The following TRDN variants were observed in gnomAD, a reference collection of about 807,000 sequenced individuals.
The protein encoded by TRDN is triadin, also known as triadin in skeletal muscle.
In TRDN, 161 loss-of-function variants were observed where a neutral mutation model predicts 149.7. That is an observed-to-expected ratio of 1.08 (90% CI 0.95 to 1.23). TRDN has a LOEUF of 1.23. TRDN is among the 50% of genes most tolerant of loss of function. The pLI is 0.00. For missense variants in TRDN, 896 were observed against 823.5 expected (o/e 1.09, Z -1.08); for synonymous variants, 294 against 250.5 (o/e 1.17, Z -1.64).
chr6:123,216,841 G>A lies in TRDN; in HGVS notation c.*1760C>T, dbSNP rs1774986909. On this transcript the variant is annotated 3_prime_UTR_variant, in exon 41 of 41. Coordinates refer to ENST00000334268, the MANE Select transcript of TRDN (RefSeq NM_006073.4). ...CTAACACAGCGCCCTAAAAGAGTAG[G>A]TATTCAATAAACAGTCATTGAATGA... 6.6e-6 allele frequency: 1 copy of A among 151,864 alleles called. No homozygotes were observed. Among genetic ancestry groups the A allele is most frequent in the Admixed American group, 6.6e-5 (1 of 15,210 alleles). 9.4% of individuals were successfully genotyped at this position (151,864 alleles called of 1,614,324 possible). A position where few individuals can be genotyped will look rare whatever the true frequency, so the allele number is the denominator to read the frequency against.
intron 1 of TRDN, among the ~76,000 whole-genome samples, chr6:123,617,979 C>T (rs746673386): frequency 2.0e-5 from 3 of 152,028 alleles, no homozygotes; most frequent in East Asian, 1.9e-4. Context: ...TCAGGTGATC[C>T]GCCCATCTCG....
At chr6:123,452,971 C>T (rs1015570120) in intron 10 of TRDN, among the ~76,000 whole-genome samples, 2 of 148,520 alleles carry the variant, frequency 1.3e-5, no homozygotes, top group Admixed American at 6.6e-5. Context: ...AACTGATCTT[C>T]GAAAAAGCAA....
intron 20 of TRDN, among the ~76,000 whole-genome samples, chr6:123,362,855 C>A (rs1239836021): frequency 6.6e-6 from 1 of 151,970 alleles, no homozygotes; most frequent in African/African-American, 2.4e-5. Flanking sequence ...CTCGATTTTT[C>A]ATATAATATA....
chr6:123,367,178 G>A (rs1316857347), intron 19 of TRDN, among the ~76,000 whole-genome samples: 3 of 151,956 alleles, frequency 2.0e-5, no homozygotes, highest in Admixed American at 6.6e-5. Flanking sequence ...TAAAGTCAAA[G>A]TTTTCTCTAG....
At chr6:123,267,031 C>T (rs564965142) in intron 32 of TRDN, among the ~76,000 whole-genome samples, 24 of 127,830 alleles carry the variant, frequency 1.9e-4, no homozygotes, top group African/African-American at 2.4e-4. Context: ...GGTGTGAACC[C>T]GGGAGGTGGA....
intron 5 of TRDN, among the ~76,000 whole-genome samples, chr6:123,525,381 G>C (rs1362373186): frequency 6.6e-6 from 1 of 152,038 alleles, no homozygotes; most frequent in African/African-American, 2.4e-5. Context: ...TCATAAAAAA[G>C]AATGGAATTA....
intron 1 of TRDN, among the ~76,000 whole-genome samples, chr6:123,573,222 G>C (rs1310502646): frequency 2.0e-5 from 3 of 152,054 alleles, no homozygotes; most frequent in African/African-American, 7.2e-5. Flanking sequence ...TGAGTGAGAA[G>C]CATCTAGATC....
chr6:123,598,724 A>T (rs1784148872), intron 1 of TRDN, among the ~76,000 whole-genome samples: 1 of 152,126 alleles, frequency 6.6e-6, no homozygotes, highest in Non-Finnish European at 1.5e-5. Context: ...AGCAAGAGTG[A>T]TATAGACCAT....
chr6:123,263,188 G>C (rs758614844), intron 33 of TRDN, among the ~76,000 whole-genome samples: 1 of 152,026 alleles, frequency 6.6e-6, no homozygotes, highest in Non-Finnish European at 1.5e-5. Flanking sequence ...CTAAGAAAGG[G>C]AAACAGCCTT....
intron 16 of TRDN, among the ~76,000 whole-genome samples, chr6:123,378,852 A>T (rs28490589): frequency 2.0e-5 from 3 of 152,142 alleles, no homozygotes; most frequent in Non-Finnish European, 2.9e-5. Flanking sequence ...GTTTCTTTTC[A>T]GGAATCTACT....
intron 1 of TRDN, among the ~76,000 whole-genome samples, chr6:123,590,829 T>G (rs917690402): frequency 5.9e-5 from 9 of 152,128 alleles, no homozygotes; most frequent in African/African-American, 1.9e-4. Flanking sequence ...TGTGCTTAAC[T>G]CATCCTGAAA....
intron 14 of TRDN, among the ~76,000 whole-genome samples, chr6:123,386,201 G>T (rs572310683): frequency 4.3e-4 from 66 of 152,176 alleles, no homozygotes; most frequent in African/African-American, 1.3e-3. Flanking sequence ...AGTACAAGGT[G>T]GCAAGAAATA....
chr6:123,435,060 T>C (rs1774494924), intron 12 of TRDN, among the ~76,000 whole-genome samples: 1 of 151,300 alleles, frequency 6.6e-6, no homozygotes, highest in South Asian at 2.1e-4. Flanking sequence ...GTCGGCATAA[T>C]AATACAATAT....
chr6:123,237,340 C>T (rs771030233), intron 38 of TRDN, among the ~76,000 whole-genome samples: 1 of 152,074 alleles, frequency 6.6e-6, no homozygotes, highest in South Asian at 2.1e-4. Context: ...AACTCTGCCT[C>T]GCTGGTTCAA....
chr6:123,388,230 T>C (rs896871564), intron 14 of TRDN, among the ~76,000 whole-genome samples: 3 of 152,294 alleles, frequency 2.0e-5, no homozygotes, highest in African/African-American at 7.2e-5. Context: ...GTCTGTATTT[T>C]ACATAGTTCT....
chr6:123,220,352 A>G lies in TRDN; in HGVS notation c.2050+1135T>C, dbSNP rs146269986. On this transcript the variant is annotated intron_variant, in intron 40 of 40. Transcript: ENST00000334268. ...ACCTGTCTCATTGAATTATATTTTA[A>G]TAGTTATTTAAAATATATGAGATTT... Among the ~76,000 whole-genome samples, 1,238 of 151,962 alleles carry G rather than the reference A, an allele frequency of 8.1e-3. 11 individuals are homozygous for G. Among genetic ancestry groups the G allele is most frequent in the Non-Finnish European group, 1.0e-2 (678 of 67,878 alleles).
intron 24 of TRDN, among the ~76,000 whole-genome samples, chr6:123,283,030 A>G (rs1375779566): frequency 2.0e-5 from 3 of 151,814 alleles, no homozygotes; most frequent in Non-Finnish European, 4.4e-5. Flanking sequence ...AACTGAAAAG[A>G]TCCTGGAAAT....
chr6:123,337,679 A>G lies in TRDN; in HGVS notation c.1370-10T>C, dbSNP rs917659865. ...TTTTCTTTTCTAATTTCTGCAAGAG[A>G]GATCATGGGAAGAAAAAGTTACAAG... On this transcript the variant is annotated splice_polypyrimidine_tract_variant and intron_variant, in intron 21 of 40. Transcript: ENST00000334268. 5 of 1,452,212 alleles carry G rather than the reference A, an allele frequency of 3.4e-6. No homozygotes were observed. In the Admixed American group the frequency reaches 1.2e-4, roughly 35 times the overall value. 90.0% of individuals were successfully genotyped at this position (1,452,212 alleles called of 1,614,324 possible).
chr6:123,378,033 A>G, intron 16 of TRDN, 135 bp from the exon 17 acceptor site: 1 of 578,362 alleles, frequency 1.7e-6, no homozygotes, highest in Non-Finnish European at 2.9e-6. Context: ...GGCTTACATA[A>G]AAAGGCTAAG....
Sources: allele counts gnomAD v4.1 joint callset (sites outside exome capture counted in the v4.1 genomes callset), GRCh38; gene constraint gnomAD v4.1.1; transcripts MANE v1.5; gene names NCBI Gene and HGNC (gene_info 2026-07-23, HGNC 2026-07-21).